TERB2: variants seen among roughly 807,000 people sequenced by gnomAD.
TERB2 encodes telomere repeats-binding bouquet formation protein 2.
Under a neutral mutation model 29.8 loss-of-function variants are expected in TERB2, and 26 were observed. The ratio of observed to expected loss-of-function variants is 0.87; its 90% CI spans 0.64 to 1.21. TERB2 has a LOEUF of 1.21. Ranked by LOEUF, TERB2 falls within the 50% of genes most tolerant of loss-of-function variation. The probability of loss-of-function intolerance (pLI) is 0.00; values close to 1 mark genes in which losing one functional copy is unlikely to be tolerated. For synonymous variants in TERB2, 80 were observed against 90.8 expected, an observed-to-expected ratio of 0.88 and a Z score of 0.68; for missense variants, 240 against 268.6, an observed-to-expected ratio of 0.89 and a Z score of 0.74.
intron 4 of TERB2, among the ~76,000 whole-genome samples, chr15:44,964,501 T>C (rs1891854740): frequency 6.6e-6 from 1 of 152,176 alleles, no homozygotes; most frequent in South Asian, 2.1e-4. Context: ...TTAAAGATCA[T>C]TAATTTCATC....
At chr15:44,973,578 T>A (rs1402918861) in intron 5 of TERB2, 1 of 153,630 alleles carries the variant, frequency 6.5e-6, no homozygotes, top group Non-Finnish European at 1.4e-5. Flanking sequence ...TGACAGCACA[T>A]ATACCAAAAC....
chr15:44,966,220 G>T lies in TERB2; in HGVS notation c.411G>T (p.Glu137Asp). The change falls in exon 5 of 7, where the codon GAG becomes GAT. Residue 137 changes from glutamate (E) to aspartate (D), a missense_variant. Glu to Asp is a conservative substitution (Grantham distance 45). Transcript: ENST00000340827. ...TLRENSELAT[E>D]HKKELSKSPE... ...GGGAAAACAGTGAACTAGCAACAGAGCACAAAAAAGAATTATCCAAAAGGT... is the reference window on the plus strand; with the variant it reads ...GGGAAAACAGTGAACTAGCAACAGATCACAAAAAAGAATTATCCAAAAGGT... The T allele has an allele frequency of 6.4e-7, 1 of 1,558,340 alleles. No individual in the cohort carries two copies. Among genetic ancestry groups the T allele is most frequent in the Admixed American group, 2.0e-5 (1 of 50,136 alleles).
intron 5 of TERB2, among the ~76,000 whole-genome samples, chr15:44,968,325 T>C (rs1265569940): frequency 3.9e-5 from 6 of 152,010 alleles, no homozygotes; most frequent in South Asian, 2.1e-4. Flanking sequence ...AAGCAATTCT[T>C]GTGCCTTGGC....
chr15:44,978,238 A>G (rs889710847), intron 6 of TERB2, among the ~76,000 whole-genome samples: 6 of 152,184 alleles, frequency 3.9e-5, no homozygotes, highest in Non-Finnish European at 8.8e-5. Flanking sequence ...CAATCTCAAT[A>G]GTCAAAGCAG....
chr15:44,978,534 A>G lies in TERB2; in HGVS notation c.569A>G (p.His190Arg). 6.2e-7 allele frequency: 1 copy of G among 1,610,374 alleles called. No individual in the cohort carries two copies. The highest frequency in any genetic ancestry group is 8.5e-7 in the Non-Finnish European group (1 of 1,178,028). ...ATGAAGAAATTCCTTGGGGAGCTAC[A>G]TGACTTCATTCCTGGAACCTCAGGA... is the stretch of plus-strand genomic sequence containing the variant. ...DAMKKFLGEL[H>R]DFIPGTSGYL... The change falls in exon 7 of 7, where the codon CAT becomes CGT. Residue 190 changes from histidine (H) to arginine (R), a missense_variant. By Grantham distance (29) the His-to-Arg change is conservative. Coordinates refer to ENST00000340827, the MANE Select transcript of TERB2 (RefSeq NM_152448.3).
intron 4 of TERB2, among the ~76,000 whole-genome samples, chr15:44,965,752 T>C (rs182477568): frequency 6.6e-6 from 1 of 151,430 alleles, no homozygotes; most frequent in Non-Finnish European, 1.5e-5. Context: ...CTCACAGGAA[T>C]CCCTAAGTCA....
intron 2 of TERB2, 112 bp from the exon 3 acceptor site, chr15:44,958,261 T>C (rs1280919918): frequency 1.6e-5 from 21 of 1,295,096 alleles, no homozygotes; most frequent in Non-Finnish European, 2.2e-5. Context: ...AGCATACATG[T>C]ATGCTTCAAT....
chr15:44,965,067 G>A (rs1337532455), intron 4 of TERB2, among the ~76,000 whole-genome samples: 1 of 147,832 alleles, frequency 6.8e-6, no homozygotes, highest in African/African-American at 2.5e-5. Context: ...AGAGGCTGAG[G>A]CAGGAGAATT....
intron 5 of TERB2, chr15:44,970,782 G>C (rs533622926): frequency 6.3e-6 from 1 of 159,036 alleles, no homozygotes; most frequent in Admixed American, 6.5e-5. Context: ...CTTAGCTAGA[G>C]TTCTACTTCT....
intron 6 of TERB2, among the ~76,000 whole-genome samples, chr15:44,976,524 A>G (rs1892049955): frequency 6.6e-6 from 1 of 152,196 alleles, no homozygotes; most frequent in Non-Finnish European, 1.5e-5. Context: ...CAAGAAAAAA[A>G]GCCATAGTCT....
At chr15:44,962,900 T>G (rs573059929) in intron 4 of TERB2, 10 of 151,916 alleles carry the variant, frequency 6.6e-5, no homozygotes, top group African/African-American at 2.2e-4. Flanking sequence ...TGTGCAAAGA[T>G]GACACGCAAA....
intron 3 of TERB2, among the ~76,000 whole-genome samples, chr15:44,959,513 G>A (rs563844764): frequency 3.1e-4 from 47 of 151,994 alleles, no homozygotes; most frequent in Non-Finnish European, 6.0e-4. Context: ...GACTACAGGC[G>A]CCCACCACCA....
At chr15:44,977,603 T>C (rs1892064499) in intron 6 of TERB2, among the ~76,000 whole-genome samples, 1 of 152,190 alleles carries the variant, frequency 6.6e-6, no homozygotes, top group Non-Finnish European at 1.5e-5. Context: ...AAAATATCTT[T>C]AAAGATACTA....
Position 44,978,887 on chromosome 15 carries a change from A to T in TERB2, c.*259A>T. ...TAATTGCCGTTAAAATATATTTCAT[A>T]AGAAGTCTCAATCTCAAACTCTCCA... is the stretch of plus-strand genomic sequence containing the variant. On this transcript the variant is annotated 3_prime_UTR_variant, in exon 7 of 7. Coordinates refer to ENST00000340827, the MANE Select transcript of TERB2 (RefSeq NM_152448.3). 4.1e-6 allele frequency: 1 copy of T among 242,290 alleles called. No homozygotes were observed. The highest frequency in any genetic ancestry group is 7.3e-6 in the Non-Finnish European group (1 of 137,004). 15.0% of individuals were successfully genotyped at this position (242,290 alleles called of 1,614,324 possible). A position where few individuals can be genotyped will look rare whatever the true frequency, so the allele number is the denominator to read the frequency against.
chr15:44,961,242 G>C (rs1891799586), intron 3 of TERB2, among the ~76,000 whole-genome samples: 1 of 136,440 alleles, frequency 7.3e-6, no homozygotes, highest in African/African-American at 2.8e-5. Context: ...ATCTAATGTA[G>C]AGATACAAAT....
At chr15:44,973,174 C>T (rs1891996259) in intron 5 of TERB2, among the ~76,000 whole-genome samples, 1 of 152,140 alleles carries the variant, frequency 6.6e-6, no homozygotes, top group Non-Finnish European at 1.5e-5. Context: ...AGCCACTGCG[C>T]CTCGCCTAGA....
At chr15:44,976,254 A>G (rs771656441) in intron 6 of TERB2, 2 of 152,230 alleles carry the variant, frequency 1.3e-5, no homozygotes, top group East Asian at 1.9e-4. Context: ...TCCTAGCTGG[A>G]TGCTTCTGTC....
intron 3 of TERB2, among the ~76,000 whole-genome samples, chr15:44,961,191 G>GATATATATAT (rs34640759): frequency 1.1e-3 from 148 of 136,404 alleles, no homozygotes; most frequent in Middle Eastern, 4.2e-3. Flanking sequence ...ATACCTCAAT[G>GATATATATAT]ATATATATAT....
chr15:44,966,618 A>G (rs1159702520), intron 5 of TERB2, among the ~76,000 whole-genome samples: 20 of 152,200 alleles, frequency 1.3e-4, no homozygotes, highest in Admixed American at 1.3e-3. Flanking sequence ...TTAATAAATT[A>G]TTTAAAAATT....
Sources: gnomAD v4.1 joint callset for allele counts (sites outside exome capture counted in the v4.1 genomes callset) on GRCh38, gnomAD v4.1.1 for gene constraint, MANE v1.5 for transcripts, NCBI Gene and HGNC (gene_info 2026-07-23, HGNC 2026-07-21) for gene names.